The following ITGA11 variants were observed in gnomAD, a reference collection of about 807,000 sequenced individuals.
The protein encoded by ITGA11 is integrin alpha-11.
A neutral mutation model predicts 141.9 loss-of-function variants in ITGA11; 97 were observed. The observed-to-expected ratio is 0.68, with a 90% CI of 0.58 to 0.81. The LOEUF is 0.81. Among genes scored for constraint, ITGA11 ranks in the 30% least tolerant of loss-of-function variants. The pLI, the probability that ITGA11 is intolerant of heterozygous loss-of-function variation, is 0.00. For synonymous variants in ITGA11, 658 were observed against 624.6 expected (o/e 1.05, Z -0.80); for missense variants, 1,387 against 1,559.2 (o/e 0.89, Z 1.86).
At chr15:68,320,485 G>T in intron 19 of ITGA11, 93 bp from the exon 20 acceptor site, 1 of 1,030,452 alleles carries the variant, frequency 9.7e-7, no homozygotes, top group Non-Finnish European at 1.4e-6. Flanking sequence ...AGGTGGGTCT[G>T]GGCACTTGAC....
rs2140309930 is a variant in ITGA11 at position 68,335,902 on chromosome 15, T to C, written c.1277-57A>G. ...CACCGTGTCCTCAGCAGGCGTTGCT[T>C]GGCCCGGTGCATGGCTTGGCAGTGC... On this transcript the variant is annotated intron_variant, in intron 11 of 29. Transcript: ENST00000315757. The surrounding 1 kb of genome is among the most constrained non-coding windows in gnomAD (Gnocchi z 4.9). The C allele has an allele frequency of 1.3e-6, 2 of 1,571,844 alleles. No homozygotes were observed. Among genetic ancestry groups the C allele is most frequent in the South Asian group, 1.2e-5 (1 of 85,742 alleles).
Position 68,326,613 on chromosome 15 carries a change from C to T in ITGA11, c.2211+41G>A, listed in dbSNP as rs779395216. The stretch of plus-strand genomic sequence containing the variant: ...CCTCTCCCACGGCAGATGCTCCTTC[C>T]TATAGGAGCTTGGGCTCTGCTGGTG... On this transcript the variant is annotated intron_variant, in intron 17 of 29. Transcript: ENST00000315757. The surrounding 1 kb of genome is among the most constrained non-coding windows in gnomAD (Gnocchi z 6.8). The T allele has an allele frequency of 5.8e-6, 9 of 1,550,018 alleles. No individual in the cohort carries two copies. In the Admixed American group the frequency reaches 1.5e-4, roughly 26 times the overall value.
chr15:68,359,842 G>C (rs1317632251), intron 5 of ITGA11, among the ~76,000 whole-genome samples: 1 of 152,032 alleles, frequency 6.6e-6, no homozygotes, highest in African/African-American at 2.4e-5. Context: ...TCTGCGTCTG[G>C]GCATTGCTCA....
At chr15:68,331,316 T>C (rs934017600) in intron 14 of ITGA11, among the ~76,000 whole-genome samples, 1 of 152,134 alleles carries the variant, frequency 6.6e-6, no homozygotes, top group African/African-American at 2.4e-5. Context: ...GATTAAAATA[T>C]CGTGTCTTAA....
chr15:68,320,108 G>A (rs1595856826), intron 20 of ITGA11, 77 bp downstream of exon 20: 1 of 1,271,870 alleles, frequency 7.9e-7, no homozygotes, highest in African/African-American at 1.5e-5. Flanking sequence ...ATTCCAACAT[G>A]TAGCCAGGAG....
At chr15:68,389,649 T>C (rs1000671800) in intron 2 of ITGA11, among the ~76,000 whole-genome samples, 37 of 152,350 alleles carry the variant, frequency 2.4e-4, no homozygotes, top group Admixed American at 1.6e-3. Flanking sequence ...ACCCAGGGAA[T>C]TCACCATGGT....
In ITGA11 at chr15:68,312,622, A is replaced by G; in HGVS notation, c.2973+151T>C. 5 of 604,012 alleles carry G rather than the reference A, an allele frequency of 8.3e-6. No individual in the cohort carries two copies. In the South Asian group the frequency reaches 9.6e-5, roughly 12 times the overall value. The allele number at this position is 604,012 out of a possible 1,614,324, so 37.4% of individuals were successfully genotyped here. ...AAGAAGACTGAGAGGCCCAGAGAGG[A>G]GAAGTGACTTGACTAAAGTCGCACA... is the stretch of plus-strand genomic sequence containing the variant. On this transcript the variant is annotated intron_variant, in intron 24 of 29. Transcript: ENST00000315757.
chr15:68,315,940 A>G (rs1259768099), intron 21 of ITGA11, among the ~76,000 whole-genome samples: 1 of 152,132 alleles, frequency 6.6e-6, no homozygotes. Flanking sequence ...AGCCAAAGAC[A>G]ACAGCTCCCA....
rs78613934 is a variant in ITGA11, at chr15:68,416,149, G to T, written c.53-13120C>A. 5.9e-3 allele frequency among the ~76,000 whole-genome samples: 896 copies of T among 152,246 alleles called. 5 individuals are homozygous for T. Among genetic ancestry groups the T allele is most frequent in the Non-Finnish European group, 9.8e-3 (666 of 68,022 alleles). ...CCATCCCCTCAATGTCCTGTTGTAT[G>T]GTAGATAAACTAATGCTTGTTAACA... On this transcript the variant is annotated intron_variant, in intron 1 of 29. Transcript: ENST00000315757.
At position 68,350,564 on chromosome 15, in the gene ITGA11, A is replaced by G. The variant is rs192276715; in HGVS notation, c.1060+53T>C. 2,365 of 1,542,820 alleles carry G rather than the reference A, an allele frequency of 1.5e-3. 49 individuals are homozygous for G. In the South Asian group the frequency reaches 0.026, roughly 17 times the overall value. On this transcript the variant is annotated intron_variant, in intron 9 of 29. Transcript: ENST00000315757. ...GATTGGTTTGTGCTCTACGGGGTTT[A>G]CCTGACATAAGCCCAGGAGAGAGTG...
chr15:68,325,213 G>C lies in ITGA11; in HGVS notation c.2240C>G (p.Thr747Ser), dbSNP rs746608494. The C allele has an allele frequency of 1.9e-6, 3 of 1,613,938 alleles. No individual in the cohort carries two copies. In the East Asian group the frequency reaches 6.7e-5, roughly 36 times the overall value. The change falls in exon 18 of 30, where the codon ACC becomes AGC. Residue 747 changes from threonine to serine, a missense_variant. Coordinates refer to ENST00000315757, the MANE Select transcript of ITGA11 (RefSeq NM_001004439.2). This position sits in a 1 kb window ranked among gnomAD's most constrained non-coding sequence, Gnocchi z 5.5. ...LDTADYVKPV[T>S]FSVEYSLEDP... ...CTCCAGGGAATACTCGACTGAGAAG[G>C]TCACTGGCTTCACGTAGTCAGCAGT...
At chr15:68,332,233 G>T in intron 13 of ITGA11, 105 bp downstream of exon 13, 1 of 1,375,422 alleles carries the variant, frequency 7.3e-7, no homozygotes. Flanking sequence ...CCCAGGCCTG[G>T]CTCCAGCACT....
In ITGA11 at chr15:68,335,974, A is replaced by G; in HGVS notation, c.1277-129T>C. ...GGTAGGTTCAGGGCTAGCTGAGCAG[A>G]TTCAATCACGCAGGGCCATAATTCC... is the stretch of plus-strand genomic sequence containing the variant. On this transcript the variant is annotated intron_variant, in intron 11 of 29. Transcript: ENST00000315757. The surrounding 1 kb of genome is among the most constrained non-coding windows in gnomAD (Gnocchi z 4.9). 9.2e-7 allele frequency: 1 copy of G among 1,091,312 alleles called. No homozygotes were observed. The highest frequency in any genetic ancestry group is 1.5e-5 in the South Asian group (1 of 64,676). 67.6% of individuals were successfully genotyped at this position (1,091,312 alleles called of 1,614,324 possible).
Position 68,303,097 on chromosome 15 carries a change from C to T in ITGA11, c.3529G>A (p.Glu1177Lys). The T allele has an allele frequency of 6.4e-7, 1 of 1,550,872 alleles. No individual in the cohort carries two copies. Among genetic ancestry groups the T allele is most frequent in the Non-Finnish European group, 8.7e-7 (1 of 1,147,030 alleles). The change falls in exon 30 of 30, where the codon GAG (glutamate) becomes AAG (lysine). Residue 1177 changes from glutamate (E) to lysine (K), a missense_variant. Coordinates refer to ENST00000315757, the MANE Select transcript of ITGA11 (RefSeq NM_001004439.2). This position sits in a 1 kb window ranked among gnomAD's most constrained non-coding sequence, Gnocchi z 5.3. ...GFFRSARRRREPGLDPTPKVL... is the reference protein window; with the variant it reads ...GFFRSARRRRKPGLDPTPKVL... Reference sequence around the variant, plus strand: ...TTGGGGGTGGGGTCCAGACCAGGCTCCCTCCTGCGCCTGGCACTTCTAAAG... The same window carrying T: ...TTGGGGGTGGGGTCCAGACCAGGCTTCCTCCTGCGCCTGGCACTTCTAAAG...
chr15:68,363,778 CA>C (rs1895328508), intron 4 of ITGA11, among the ~76,000 whole-genome samples: 1 of 152,202 alleles, frequency 6.6e-6, no homozygotes, highest in Non-Finnish European at 1.5e-5. Flanking sequence ...CAACGCAGCT[CA>C]CTCCAAGGTG....
Position 68,325,408 on chromosome 15 carries a change from T to C in ITGA11, c.2212-167A>G, listed in dbSNP as rs1893942895. On this transcript the variant is annotated intron_variant, in intron 17 of 29. Transcript: ENST00000315757. This position sits in a 1 kb window ranked among gnomAD's most constrained non-coding sequence, Gnocchi z 5.5. ...GGATGGAGGTTTCTAGCGGGTCTGT[T>C]GGTGGGAAGAGTGTGCTTCTGTGAA... Among the ~76,000 whole-genome samples, 3 of 151,658 alleles carry C rather than the reference T, an allele frequency of 2.0e-5. No individual in the cohort carries two copies. Among genetic ancestry groups the C allele is most frequent in the African/African-American group, 7.2e-5 (3 of 41,418 alleles).
intron 4 of ITGA11, among the ~76,000 whole-genome samples, chr15:68,363,117 G>A (rs1426734342): frequency 6.6e-6 from 1 of 152,154 alleles, no homozygotes; most frequent in African/African-American, 2.4e-5. Flanking sequence ...GGAGATTGAT[G>A]GTGGATCGAT....
At position 68,298,481 on chromosome 15, in the gene ITGA11, C is replaced by G. The variant is rs897937274; in HGVS notation, c.*4578G>C. ...TGCACAAAATTAAAAAAAAAATTAG[C>G]TGGGCATGGTGGTGCATGTCTGTAG... On this transcript the variant is annotated 3_prime_UTR_variant, in exon 30 of 30. Transcript: ENST00000315757. 6.6e-6 allele frequency: 1 copy of G among 151,960 alleles called. No homozygotes were observed. Among genetic ancestry groups the G allele is most frequent in the East Asian group, 1.9e-4 (1 of 5,188 alleles). The allele number at this position is 151,960 out of a possible 1,614,324, so 9.4% of individuals were successfully genotyped here.
rs372656640 is a variant in ITGA11, at chr15:68,321,768, C to T, written c.2323-265G>A. On this transcript the variant is annotated intron_variant, in intron 18 of 29. Transcript: ENST00000315757. The surrounding 1 kb of genome is among the most constrained non-coding windows in gnomAD (Gnocchi z 4.9). ...CCCCACCCCCACTCACCCAGCAGAG[C>T]GGTTCTGGTCAACATTTATTGATCA... is the stretch of plus-strand genomic sequence containing the variant. 5.3e-5 allele frequency among the ~76,000 whole-genome samples: 8 copies of T among 152,190 alleles called. No individual in the cohort carries two copies. Among genetic ancestry groups the T allele is most frequent in the South Asian group, 2.1e-4 (1 of 4,836 alleles).
Sources: gnomAD v4.1 joint callset for allele counts (sites outside exome capture counted in the v4.1 genomes callset) on GRCh38, gnomAD v4.1.1 for gene constraint, Gnocchi (gnomAD v3.1) non-coding constraint, MANE v1.5 for transcripts, NCBI Gene and HGNC (gene_info 2026-07-23, HGNC 2026-07-21) for gene names.